The following FGD2 variants were observed in gnomAD, a reference collection of about 807,000 sequenced individuals.
FGD2 encodes FYVE, RhoGEF and PH domain containing 2.
FGD2 carries 52 observed loss-of-function variants against 75.9 expected under a neutral mutation model. The ratio of observed to expected loss-of-function variants is 0.69; its 90% CI spans 0.55 to 0.86. FGD2 has a LOEUF of 0.86. Ranked by LOEUF, FGD2 falls within the 40% of genes least tolerant of loss-of-function variation. The pLI is 0.00. For synonymous variants in FGD2, 347 were observed against 348.6 expected (o/e 1.00, Z 0.05); for missense variants, 790 against 872.0 (o/e 0.91, Z 1.18).
At chr6:37,014,171 T>G in intron 6 of FGD2, 71 bp downstream of exon 6, 1 of 1,528,534 alleles carries the variant, frequency 6.5e-7, no homozygotes, top group Non-Finnish European at 8.8e-7. Flanking sequence ...ACTGAGCTCC[T>G]GCTAAAATGG....
intron 14 of FGD2, among the ~76,000 whole-genome samples, chr6:37,027,014 A>G (rs900235508): frequency 3.3e-5 from 5 of 151,882 alleles, no homozygotes; most frequent in African/African-American, 1.2e-4. Flanking sequence ...CTGAAAAAAA[A>G]AAAAAAGTTG....
rs527833954 is a variant in FGD2 at position 37,020,966 on chromosome 6, TTG to T, written c.1233+237_1233+238del. Among the ~76,000 whole-genome samples the T allele has an allele frequency of 8.8e-3, 1,235 of 140,248 alleles. 18 individuals carry two copies. Among genetic ancestry groups the T allele is most frequent in the African/African-American group, 0.03 (1,106 of 37,194 alleles). The allele number at this position is 140,248 out of a possible 152,430, so 92.0% of individuals were successfully genotyped here. ...TGTGTGCATGTCTGTGTCTGTGTGTTTGTGTGTGTGTTTGTGTGTATGTGTGC... is the reference window on the plus strand; with the variant it reads ...TGTGTGCATGTCTGTGTCTGTGTGTTTGTGTGTGTTTGTGTGTATGTGTGC... On this transcript the variant is annotated intron_variant, in intron 11 of 15. Coordinates refer to ENST00000274963, the MANE Select transcript of FGD2 (RefSeq NM_173558.4).
At chr6:37,015,906 A>G (rs1765264218) in intron 9 of FGD2, 46 bp downstream of exon 9, 2 of 1,521,580 alleles carry the variant, frequency 1.3e-6, no homozygotes, top group East Asian at 2.4e-5. Flanking sequence ...CAAGGGTAGG[A>G]CTGAGTACAG....
chr6:37,026,388 C>G (rs965552495), intron 14 of FGD2: 4 of 985,250 alleles, frequency 4.1e-6, no homozygotes, highest in South Asian at 9.4e-5. Context: ...CGGTCTTATC[C>G]CATGGAGACC....
chr6:37,012,308 G>A (rs113104453), intron 4 of FGD2, among the ~76,000 whole-genome samples: 17 of 152,192 alleles, frequency 1.1e-4, no homozygotes, highest in African/African-American at 3.6e-4. Context: ...AGTTTGCCAC[G>A]AAGTCTAGGA....
intron 13 of FGD2, chr6:37,025,579 G>T: frequency 1.7e-6 from 1 of 582,582 alleles, no homozygotes; most frequent in Non-Finnish European, 3.1e-6. Flanking sequence ...TAAGAGCCCC[G>T]AGCCCGAGCT....
At chr6:37,025,121 C>G (rs1765755836) in intron 13 of FGD2, 1 of 152,484 alleles carries the variant, frequency 6.6e-6, no homozygotes, top group Admixed American at 6.5e-5. Context: ...CCGGCATGAT[C>G]CATGTCAGCC....
At position 37,021,433 on chromosome 6, in the gene FGD2, A is replaced by G. The variant is rs1231599493; in HGVS notation, c.1234-79A>G. The G allele has an allele frequency of 3.1e-6, 4 of 1,301,958 alleles. No individual in the cohort carries two copies. The Admixed American group carries it at 8.0e-5, about 26-fold the overall frequency. The allele number at this position is 1,301,958 out of a possible 1,614,324, so 80.7% of individuals were successfully genotyped here. ...GTGGGCTTTCAGCCCTGTCTGTTGC[A>G]TGCACGGAAGGATGGACAGAGGAGC... On this transcript the variant is annotated intron_variant, in intron 11 of 15. Transcript: ENST00000274963.
chr6:37,016,729 G>T (rs1724084), intron 9 of FGD2, among the ~76,000 whole-genome samples: 3,264 of 152,098 alleles, frequency 0.021, 109 homozygotes, highest in African/African-American at 0.07. Context: ...GAGAGATGGG[G>T]TTTCACCATG....
chr6:37,012,985 T>TATACATATATATAC (rs1336123062), intron 4 of FGD2: 236 of 150,508 alleles, frequency 1.6e-3, no homozygotes, highest in African/African-American at 5.3e-3. Flanking sequence ...TGTGTGTGTG[T>TATACATATATATAC]GTATACATAT....
rs1199425221 is a variant in FGD2, at chr6:37,011,018, G to T, written c.346G>T (p.Ala116Ser). ...CCAGGAGCTGCTGGAGACAGAGCAG[G>T]CCTATGTGGCGCGCCTCCACCTGCT... The part of the protein sequence containing the change: ...IVQELLETEQ[A>S]YVARLHLLDQ... Residue 116 changes from alanine to serine, a missense_variant, in exon 3 of 16, where the codon GCC becomes TCC. By Grantham distance (99) the Ala-to-Ser change is moderately conservative (BLOSUM62 1). Coordinates refer to ENST00000274963, the MANE Select transcript of FGD2 (RefSeq NM_173558.4). The T allele has an allele frequency of 3.7e-6, 6 of 1,614,130 alleles. No individual in the cohort carries two copies. Among genetic ancestry groups the T allele is most frequent in the Non-Finnish European group, 5.1e-6 (6 of 1,180,004 alleles).
Position 37,028,361 on chromosome 6 carries a change from C to A in FGD2, c.*198C>A. 1.8e-6 allele frequency: 1 copy of A among 553,256 alleles called. No individual in the cohort carries two copies. The highest frequency in any genetic ancestry group is 2.9e-5 in the East Asian group (1 of 34,472). 34.3% of individuals were successfully genotyped at this position (553,256 alleles called of 1,614,324 possible). A position where few individuals can be genotyped will look rare whatever the true frequency, so the allele number is the denominator to read the frequency against. On this transcript the variant is annotated 3_prime_UTR_variant, in exon 16 of 16. Transcript: ENST00000274963. The stretch of plus-strand genomic sequence containing the variant: ...CATTCCTTTCTAGAAAGGGGACAAC[C>A]AAGTGTCTCAGTTTGCCTTGCGGGG...
intron 1 of FGD2, among the ~76,000 whole-genome samples, chr6:37,007,017 A>G (rs72848053): frequency 0.075 from 11,472 of 152,184 alleles, 495 homozygotes; most frequent in Non-Finnish European, 0.1. Context: ...GACTCAGCCA[A>G]TAAATTACCC....
chr6:37,011,926 G>A (rs2150770413), intron 4 of FGD2, 72 bp downstream of exon 4: 1 of 1,545,436 alleles, frequency 6.5e-7, no homozygotes, highest in South Asian at 1.2e-5. Context: ...AGACCCCAGG[G>A]CGCTAGGTTC....
At chr6:37,018,997 T>C (rs1180345926) in intron 9 of FGD2, among the ~76,000 whole-genome samples, 1 of 152,234 alleles carries the variant, frequency 6.6e-6, no homozygotes, top group Non-Finnish European at 1.5e-5. Flanking sequence ...AGCCTCTGTA[T>C]GAACATCCCA....
At position 37,025,688 on chromosome 6, in the gene FGD2, C is replaced by G. The variant is rs532891215; in HGVS notation, c.1459-104C>G. 64 of 1,234,046 alleles carry G rather than the reference C, an allele frequency of 5.2e-5. No homozygotes were observed. In the African/African-American group the frequency reaches 7.7e-4, roughly 15 times the overall value. The allele number at this position is 1,234,046 out of a possible 1,614,324, so 76.4% of individuals were successfully genotyped here. Reference sequence around the variant, plus strand: ...CTCCCTCGAAGCTTTCTTTTCCTCCCCCAGTCCCTGGTTGCTCTCATGCCC... The same window carrying G: ...CTCCCTCGAAGCTTTCTTTTCCTCCGCCAGTCCCTGGTTGCTCTCATGCCC... On this transcript the variant is annotated intron_variant, in intron 13 of 15. Transcript: ENST00000274963.
In FGD2 at chr6:37,008,971, G is replaced by A. The variant is rs140572234; in HGVS notation, c.206G>A (p.Ser69Asn). The A allele has an allele frequency of 1.7e-5, 27 of 1,614,162 alleles. No individual in the cohort carries two copies. In the South Asian group the frequency reaches 2.9e-4, roughly 17 times the overall value. ...GTGGGGTCTGAGCCCAGGACAGTCA[G>A]CAGGAGGTACCTGAACTCCCTGAAG... is the stretch of plus-strand genomic sequence containing the variant. ...EAVGSEPRTV[S>N]RRYLNSLKNK... The change falls in exon 2 of 16, where the codon AGC (serine) becomes AAC (asparagine). Residue 69 changes from serine to asparagine, a missense_variant. Ser to Asn is a conservative substitution (Grantham distance 46). Coordinates refer to ENST00000274963, the MANE Select transcript of FGD2 (RefSeq NM_173558.4).
chr6:37,027,448 C>T lies in FGD2; in HGVS notation c.1625C>T (p.Pro542Leu). 1 of 1,612,060 alleles carries T rather than the reference C, an allele frequency of 6.2e-7. No individual in the cohort carries two copies. Among genetic ancestry groups the T allele is most frequent in the Non-Finnish European group, 8.5e-7 (1 of 1,178,422 alleles). ...TTTTAGAAAGGGTCCTCAGCCACGC[C>T]TGACCAGAGCCTGATGTGCAGCTTC... ...GILEKGSSAT[P>L]DQSLMCSFLQ... The change falls in exon 15 of 16, where the codon CCT becomes CTT. Residue 542 changes from proline (P) to leucine (L), a missense_variant. Coordinates refer to ENST00000274963, the MANE Select transcript of FGD2 (RefSeq NM_173558.4).
In FGD2 at chr6:37,027,417, T is replaced by C; in HGVS notation, c.1606-12T>C. The C allele has an allele frequency of 6.3e-7, 1 of 1,598,280 alleles. No homozygotes were observed. The highest frequency in any genetic ancestry group is 1.1e-5 in the South Asian group (1 of 89,918). ...TGCTCTGCTCCCTGACAGTCCCTCC[T>C]TCTGGTTTTAGAAAGGGTCCTCAGC... is the stretch of plus-strand genomic sequence containing the variant. On this transcript the variant is annotated splice_polypyrimidine_tract_variant and intron_variant, in intron 14 of 15. Coordinates refer to ENST00000274963, the MANE Select transcript of FGD2 (RefSeq NM_173558.4).
Sources: allele counts gnomAD v4.1 joint callset (sites outside exome capture counted in the v4.1 genomes callset), GRCh38; gene constraint gnomAD v4.1.1; transcripts MANE v1.5; gene names NCBI Gene and HGNC (gene_info 2026-07-23, HGNC 2026-07-21).